The following MAP3K13 variants were observed in gnomAD, a reference collection of about 807,000 sequenced individuals.
MAP3K13 encodes the protein leucine zipper-bearing kinase.
A neutral mutation model predicts 104.0 loss-of-function variants in MAP3K13; 52 were observed. The observed-to-expected ratio is 0.50, with a 90% CI of 0.40 to 0.63. The LOEUF (loss-of-function observed/expected upper bound fraction) is 0.63. Ranked by LOEUF, MAP3K13 falls within the 20% of genes least tolerant of loss-of-function variation. The pLI, the probability that MAP3K13 is intolerant of heterozygous loss-of-function variation, is 0.00. For missense variants in MAP3K13, 914 were observed against 1,218.5 expected, an observed-to-expected ratio of 0.75 and a Z score of 3.72; for synonymous variants, 394 against 442.2, an observed-to-expected ratio of 0.89 and a Z score of 1.37.
At chr3:185,316,710 T>TG (rs1357241527) in intron 2 of MAP3K13, among the ~76,000 whole-genome samples, 2 of 152,152 alleles carry the variant, frequency 1.3e-5, no homozygotes, top group Non-Finnish European at 2.9e-5. Flanking sequence ...GAGAAGTCCT[T>TG]GGGAAAAAGC....
chr3:185,418,252 G>A lies in MAP3K13; in HGVS notation c.-85-10245G>A, dbSNP rs1445571299. The A allele has an allele frequency of 8.1e-6, 13 of 1,602,250 alleles. No homozygotes were observed. The highest frequency in any genetic ancestry group is 1.1e-5 in the Non-Finnish European group (13 of 1,170,872). Reference sequence around the variant, plus strand: ...ATAGACCTTTTCGATATCATTCCAGGCTTTAAGTTTCTTAAGGAGCAAAAC... The same window carrying A: ...ATAGACCTTTTCGATATCATTCCAGACTTTAAGTTTCTTAAGGAGCAAAAC... On this transcript the variant is annotated intron_variant, in intron 1 of 13. Coordinates refer to ENST00000265026, the MANE Select transcript of MAP3K13 (RefSeq NM_004721.5). This position sits in a 1 kb window ranked among gnomAD's most constrained non-coding sequence, Gnocchi z 4.5.
At chr3:185,469,127 T>C (rs1717628373) in intron 10 of MAP3K13, among the ~76,000 whole-genome samples, 1 of 152,186 alleles carries the variant, frequency 6.6e-6, no homozygotes, top group South Asian at 2.1e-4. Flanking sequence ...GTCCAATGAT[T>C]ACCTAGTGAG....
At chr3:185,284,172 T>A (rs1448111252) in intron 1 of MAP3K13, among the ~76,000 whole-genome samples, 2 of 152,128 alleles carry the variant, frequency 1.3e-5, no homozygotes, top group African/African-American at 2.4e-5. Context: ...TTCCTTATCT[T>A]ATAAGTAAGT....
At chr3:185,359,021 T>C (rs1648652642), upstream of MAP3K13, among the ~76,000 whole-genome samples, 1 of 152,198 alleles carries the variant, frequency 6.6e-6, no homozygotes, top group African/African-American at 2.4e-5. Flanking sequence ...TTTTAGAATT[T>C]CCTGAAAAGA....
chr3:185,348,025 A>AG (rs1209898400), intron 2 of MAP3K13, among the ~76,000 whole-genome samples: 5 of 151,588 alleles, frequency 3.3e-5, no homozygotes, highest in Admixed American at 6.6e-5. Flanking sequence ...AAAAAAAAAA[A>AG]AAGAAAGAAA....
At chr3:185,373,720 T>G (rs1724272578) in intron 1 of MAP3K13, among the ~76,000 whole-genome samples, 1 of 152,100 alleles carries the variant, frequency 6.6e-6, no homozygotes. Context: ...GAACAAAACT[T>G]TTTTTTCTAT....
At chr3:185,459,382 T>C (rs1234695041) in intron 7 of MAP3K13, among the ~76,000 whole-genome samples, 1 of 152,152 alleles carries the variant, frequency 6.6e-6, no homozygotes, top group African/African-American at 2.4e-5. Flanking sequence ...TTTTTTGTTG[T>C]TGTTATTTAC....
chr3:185,335,390 C>G (rs999443373), intron 2 of MAP3K13, among the ~76,000 whole-genome samples: 2 of 152,148 alleles, frequency 1.3e-5, no homozygotes, highest in African/African-American at 4.8e-5. Flanking sequence ...ACCCTTCTGC[C>G]CAAAGAGCTG....
At chr3:185,319,423 C>T (rs1450363827) in intron 2 of MAP3K13, among the ~76,000 whole-genome samples, 2 of 152,202 alleles carry the variant, frequency 1.3e-5, no homozygotes, top group Admixed American at 1.3e-4. Flanking sequence ...GATATGTGTG[C>T]AATACACCAG....
intron 1 of MAP3K13, among the ~76,000 whole-genome samples, chr3:185,395,925 C>T (rs1027640274): frequency 6.6e-6 from 1 of 152,004 alleles, no homozygotes. Flanking sequence ...GCAATCTGCC[C>T]ATCTTAGTCT....
intron 12 of MAP3K13, 131 bp downstream of exon 12, chr3:185,477,527 G>T: frequency 1.5e-6 from 1 of 668,400 alleles, no homozygotes; most frequent in South Asian, 1.8e-5. Flanking sequence ...AACTCACTGT[G>T]TTCATGTTTT....
intron 11 of MAP3K13, chr3:185,476,939 A>G (rs191339817): frequency 7.8e-5 from 26 of 332,148 alleles, no homozygotes; most frequent in Non-Finnish European, 1.8e-5. Flanking sequence ...GAGGATTTCA[A>G]AGATCAATTC....
chr3:185,305,040 A>G (rs1297828489), intron 2 of MAP3K13, among the ~76,000 whole-genome samples: 2 of 152,204 alleles, frequency 1.3e-5, no homozygotes, highest in Non-Finnish European at 2.9e-5. Context: ...TACATAGCTT[A>G]TAGTTGGGTC....
intron 7 of MAP3K13, among the ~76,000 whole-genome samples, chr3:185,460,717 G>A (rs1717049844): frequency 6.6e-6 from 1 of 152,194 alleles, no homozygotes; most frequent in Admixed American, 6.5e-5. Context: ...TTATTCATCA[G>A]TACCTGGTGT....
intron 1 of MAP3K13, among the ~76,000 whole-genome samples, chr3:185,427,947 T>C (rs545253423): frequency 3.0e-4 from 45 of 152,102 alleles, no homozygotes; most frequent in African/African-American, 1.0e-3. Flanking sequence ...GGTGTGATGA[T>C]GCATGCCTAT....
chr3:185,420,236 G>A (rs901607347), intron 1 of MAP3K13, among the ~76,000 whole-genome samples: 14 of 151,928 alleles, frequency 9.2e-5, no homozygotes, highest in African/African-American at 3.2e-4. Context: ...CGTTTCAGGA[G>A]ATGGTCCACA....
chr3:185,350,911 T>C (rs1165423941), intron 2 of MAP3K13, among the ~76,000 whole-genome samples: 1 of 152,206 alleles, frequency 6.6e-6, no homozygotes, highest in Non-Finnish European at 1.5e-5. Flanking sequence ...TAAAGACACA[T>C]ACATGCATAT....
Position 185,437,407 on chromosome 3 carries a change from C to G in MAP3K13, c.476-40C>G, listed in dbSNP as rs529870215. 50 of 1,587,096 alleles carry G rather than the reference C, an allele frequency of 3.2e-5. No homozygotes were observed. In the South Asian group the frequency reaches 4.9e-4, roughly 16 times the overall value. On this transcript the variant is annotated intron_variant, in intron 2 of 13. Transcript: ENST00000265026. ...GAATGGCCTTGTAGAGTGGTCCCTT[C>G]TGAGATCTCTTCAAGCTTATTTCTT...
intron 1 of MAP3K13, among the ~76,000 whole-genome samples, chr3:185,382,908 T>C (rs1293663739): frequency 1.3e-5 from 2 of 152,116 alleles, no homozygotes; most frequent in Non-Finnish European, 2.9e-5. Flanking sequence ...ATGTGCTCAA[T>C]GTGCAGGTTA....
Sources: gnomAD v4.1 joint callset for allele counts (sites outside exome capture counted in the v4.1 genomes callset) on GRCh38, gnomAD v4.1.1 for gene constraint, Gnocchi (gnomAD v3.1) non-coding constraint, MANE v1.5 for transcripts, NCBI Gene and HGNC (gene_info 2026-07-23, HGNC 2026-07-21) for gene names.